The following PLPP5 variants were observed in gnomAD, a reference collection of about 807,000 sequenced individuals.
PLPP5 encodes diacylglycerol pyrophosphate like 1.
Under a neutral mutation model 23.6 loss-of-function variants are expected in PLPP5, and 29 were observed. The ratio of observed to expected loss-of-function variants is 1.23; its 90% CI spans 0.92 to 1.68. PLPP5 has a LOEUF of 1.68. PLPP5 is among the 40% of genes most tolerant of loss of function. The pLI is 0.00. For synonymous variants in PLPP5, 143 were observed against 131.3 expected (o/e 1.09, Z -0.61); for missense variants, 315 against 332.1 (o/e 0.95, Z 0.40).
At chr8:38,265,688 A>G (rs1807483312) in intron 6 of PLPP5, 1 of 152,546 alleles carries the variant, frequency 6.6e-6, no homozygotes, top group Admixed American at 6.5e-5. Flanking sequence ...TCAGCCTCCC[A>G]AAGTGCTGAG....
Position 38,266,303 on chromosome 8 carries a change from C to T in PLPP5, c.472G>A (p.Ala158Thr), listed in dbSNP as rs1245786337. 1.2e-6 allele frequency: 2 copies of T among 1,611,442 alleles called. No individual in the cohort carries two copies. The highest frequency in any genetic ancestry group is 2.7e-5 in the African/African-American group (2 of 74,850). Residue 158 changes from alanine to threonine, a missense_variant, in exon 6 of 7, where the codon GCT (alanine) becomes ACT (threonine). By Grantham distance (58) the Ala-to-Thr change is moderately conservative. Transcript: ENST00000424479. The part of the protein sequence containing the change: ...FPSGHSSFAF[A>T]GLAFASFYLA... ...TAGAAGGACGCAAAGGCCAGACCAG[C>T]AAATGCAACTGGAACAAGAAAAACT...
intron 5 of PLPP5, 124 bp downstream of exon 5, chr8:38,267,143 G>A: frequency 3.2e-6 from 5 of 1,566,980 alleles, no homozygotes; most frequent in Non-Finnish European, 3.5e-6. Flanking sequence ...AGTTACTAAA[G>A]AAGGGGGGAT....
chr8:38,268,564 A>T, intron 2 of PLPP5, 103 bp from the exon 3 acceptor site: 1 of 1,500,134 alleles, frequency 6.7e-7, no homozygotes, highest in Admixed American at 2.1e-5. Context: ...TGGAGCTAAC[A>T]TAAGGTCTCT....
chr8:38,267,434 A>T (rs1430571127), intron 4 of PLPP5, 43 bp from the exon 5 acceptor site: 1 of 1,600,494 alleles, frequency 6.2e-7, no homozygotes, highest in Admixed American at 1.7e-5. Flanking sequence ...CATTAACTCC[A>T]GAAATTATTT....
At chr8:38,267,796 A>C in intron 4 of PLPP5, 101 bp downstream of exon 4, 1 of 1,197,056 alleles carries the variant, frequency 8.4e-7, no homozygotes, top group South Asian at 1.3e-5. Flanking sequence ...AAGATAAAGG[A>C]GAAAAGAATG....
chr8:38,266,232 T>C lies in PLPP5; in HGVS notation c.543A>G (p.Lys181=). Residue 181 remains lysine (K), a synonymous_variant, in exon 6 of 7, where the codon AAA becomes AAG. Transcript: ENST00000424479. ...ACAGAAAGGCACAGAACCTCCAAGA[T>C]TTCCCACGGCCTTGTGGTGTGAAGC... The part of the protein sequence containing the change: ...LHCFTPQGRG[K]SWRFCAFLSP... 1 of 1,613,844 alleles carries C rather than the reference T, an allele frequency of 6.2e-7. No individual in the cohort carries two copies. The highest frequency in any genetic ancestry group is 2.2e-5 in the East Asian group (1 of 44,886).
chr8:38,266,337 G>A, intron 5 of PLPP5, 26 bp from the exon 6 acceptor site: 2 of 1,597,012 alleles, frequency 1.3e-6, no homozygotes, highest in Non-Finnish European at 1.7e-6. Flanking sequence ...CTTTTAAGTG[G>A]TTTGTCTTTT....
At chr8:38,268,552 A>C in intron 2 of PLPP5, 91 bp from the exon 3 acceptor site, 1 of 1,516,652 alleles carries the variant, frequency 6.6e-7, no homozygotes, top group Non-Finnish European at 8.8e-7. Flanking sequence ...AGCAGGACTC[A>C]CTGGAGCTAA....
At position 38,267,940 on chromosome 8, in the gene PLPP5, G is replaced by A; in HGVS notation, c.295C>T (p.Leu99=). 6.2e-7 allele frequency: 1 copy of A among 1,614,008 alleles called. No homozygotes were observed. Among genetic ancestry groups the A allele is most frequent in the African/African-American group, 1.3e-5 (1 of 75,032 alleles). The change falls in exon 4 of 7, where the codon CTG becomes TTG. Residue 99 remains leucine, a synonymous_variant. Transcript: ENST00000424479. ...ACLAASLALA[L]NGVFTNTIKL... is the part of the protein sequence containing the mutation. ...ATTGTGTTGGTAAAGACGCCATTCA[G>A]AGCCAGGGCAAGGCTGGCAGCTGCA...
chr8:38,267,211 G>A (rs1460345453), intron 5 of PLPP5, 56 bp downstream of exon 5: 2 of 1,613,432 alleles, frequency 1.2e-6, no homozygotes, highest in Non-Finnish European at 1.7e-6. Context: ...AGCTTTCTAG[G>A]TTAAATTCAA....
intron 2 of PLPP5, chr8:38,268,667 G>T: frequency 2.1e-6 from 3 of 1,431,692 alleles, no homozygotes; most frequent in Non-Finnish European, 2.7e-6. Flanking sequence ...GGCACAGAGC[G>T]CCCGGGAAAA....
chr8:38,264,626 T>C (rs1464959149), intron 6 of PLPP5, 22 bp from the exon 7 acceptor site: 1 of 1,570,034 alleles, frequency 6.4e-7, no homozygotes, highest in Non-Finnish European at 8.6e-7. Flanking sequence ...GGAAACAAGG[T>C]CTTCTCTTAA....
In PLPP5 at chr8:38,269,216, A is replaced by G. The variant is rs755961515; in HGVS notation, c.-17T>C. ...CTTCCCCATCCGGCCGCGAGCTCCG[A>G]GCGACGCTGCGCTGACGTGGCCACC... On this transcript the variant is annotated 5_prime_UTR_variant, in exon 1 of 7. Coordinates refer to ENST00000424479, the MANE Select transcript of PLPP5 (RefSeq NM_001102559.2). 1.4e-4 allele frequency: 205 copies of G among 1,494,346 alleles called. No homozygotes were observed. In the East Asian group the frequency reaches 5.7e-3, roughly 41 times the overall value. The allele number at this position is 1,494,346 out of a possible 1,614,324, so 92.6% of individuals were successfully genotyped here.
chr8:38,263,578 A>G lies in PLPP5; in HGVS notation c.*866T>C, dbSNP rs1807203298. Reference sequence around the variant, plus strand: ...TTTATGCCCACGGTGTTCAAAATGCACAGCAGTACCAGATGGCTGGACTCA... The same window carrying G: ...TTTATGCCCACGGTGTTCAAAATGCGCAGCAGTACCAGATGGCTGGACTCA... On this transcript the variant is annotated 3_prime_UTR_variant, in exon 7 of 7. Coordinates refer to ENST00000424479, the MANE Select transcript of PLPP5 (RefSeq NM_001102559.2). 1 of 985,400 alleles carries G rather than the reference A, an allele frequency of 1.0e-6. No homozygotes were observed. The highest frequency in any genetic ancestry group is 1.2e-6 in the Non-Finnish European group (1 of 829,880). The allele number at this position is 985,400 out of a possible 1,614,324, so 61.0% of individuals were successfully genotyped here.
In PLPP5 at chr8:38,268,961, C is replaced by T. The variant is rs766773305; in HGVS notation, c.104G>A (p.Arg35Lys). The change falls in exon 2 of 7, where the codon AGA becomes AAA. Residue 35 changes from arginine to lysine, a missense_variant. By Grantham distance (26) the Arg-to-Lys change is conservative. Coordinates refer to ENST00000424479, the MANE Select transcript of PLPP5 (RefSeq NM_001102559.2). ...CCACATCTCCTCCGGCTGGATGAGT[C>T]TCTGGAACGGGGGGAGCAGCTCCGT... is the stretch of plus-strand genomic sequence containing the variant. ...LVTELLPPFQ[R>K]LIQPEEMWLY... 2.6e-6 allele frequency: 4 copies of T among 1,567,920 alleles called. No individual in the cohort carries two copies. The highest frequency in any genetic ancestry group is 1.7e-4 in the Middle Eastern group (1 of 5,912).
chr8:38,267,741 TG>T, intron 4 of PLPP5, 155 bp downstream of exon 4: 1 of 770,098 alleles, frequency 1.3e-6, no homozygotes, highest in South Asian at 1.8e-5. Flanking sequence ...GACTGAGGTA[TG>T]GGGAAGGGAG....
intron 4 of PLPP5, 61 bp downstream of exon 4, chr8:38,267,834 CCT>C: frequency 4.7e-6 from 7 of 1,480,760 alleles, no homozygotes; most frequent in Non-Finnish European, 6.6e-6. Flanking sequence ...ACACCATTAA[CCT>C]CTCTGTTCTG....
In PLPP5 at chr8:38,264,563, C is replaced by T; in HGVS notation, c.676G>A (p.Val226Ile). Reference protein sequence around the residue: ...GSMIGMTFAYVCYRQYYPPLT... With the variant: ...GSMIGMTFAYICYRQYYPPLT... ...GGAGGATAATACTGCCGATAGCAGA[C>T]ATAGGCAAATGTCATTCCAATCATG... Residue 226 changes from valine (V) to isoleucine (I), a missense_variant, in exon 7 of 7, where the codon GTC becomes ATC. Physicochemically the swap from Val to Ile is conservative, Grantham distance 29. Transcript: ENST00000424479. 1.3e-6 allele frequency: 2 copies of T among 1,588,380 alleles called. No homozygotes were observed. Among genetic ancestry groups the T allele is most frequent in the Non-Finnish European group, 1.7e-6 (2 of 1,166,550 alleles).
intron 6 of PLPP5, chr8:38,265,037 G>T: frequency 1.1e-6 from 1 of 882,076 alleles, no homozygotes; most frequent in East Asian, 2.4e-5. Context: ...GGGAGGACCA[G>T]GCAGATGGAT....
Sources: gnomAD v4.1 joint callset for allele counts on GRCh38, gnomAD v4.1.1 for gene constraint, MANE v1.5 for transcripts, NCBI Gene and HGNC (gene_info 2026-07-23, HGNC 2026-07-21) for gene names.